The following KIAA1217 variants were observed in gnomAD, a reference collection of about 807,000 sequenced individuals.
The protein encoded by KIAA1217 is sickle tail protein homolog.
In KIAA1217, 88 loss-of-function variants were observed where a neutral mutation model predicts 163.9. The observed-to-expected ratio is 0.54, with a 90% CI of 0.45 to 0.64. The LOEUF (loss-of-function observed/expected upper bound fraction) is 0.64. Ranked by LOEUF, KIAA1217 falls within the 30% of genes least tolerant of loss-of-function variation. KIAA1217 has a pLI of 0.00. For missense variants in KIAA1217, 2,372 were observed against 2,475.0 expected (o/e 0.96, Z 0.88); for synonymous variants, 903 against 923.1 (o/e 0.98, Z 0.39).
At chr10:24,135,605 A>C (rs2063803430) in intron 2 of KIAA1217, among the ~76,000 whole-genome samples, 1 of 152,034 alleles carries the variant, frequency 6.6e-6, no homozygotes, top group Admixed American at 6.6e-5. Context: ...AGGAGGGGAG[A>C]GAGCTGACAC....
chr10:24,537,590 A>T (rs535967471), intron 17 of KIAA1217, among the ~76,000 whole-genome samples: 13 of 152,122 alleles, frequency 8.5e-5, no homozygotes, highest in Middle Eastern at 3.4e-3. Flanking sequence ...AAAAAAAAAA[A>T]AAGTAAAAAC....
At chr10:24,137,866 A>G (rs1298493938) in intron 2 of KIAA1217, among the ~76,000 whole-genome samples, 1 of 152,236 alleles carries the variant, frequency 6.6e-6, no homozygotes, top group African/African-American at 2.4e-5. Context: ...ACAAGGGTTT[A>G]GGTGGACATG....
intron 1 of KIAA1217, among the ~76,000 whole-genome samples, chr10:23,790,743 G>A (rs1564424998): frequency 6.9e-6 from 1 of 145,450 alleles, no homozygotes; most frequent in Non-Finnish European, 1.5e-5. Flanking sequence ...ATGTATGTAT[G>A]TAAAATCTGA....
intron 9 of KIAA1217, among the ~76,000 whole-genome samples, chr10:24,503,744 AG>A (rs143297625): frequency 0.05 from 7,608 of 152,306 alleles, 257 homozygotes; most frequent in South Asian, 0.1. Flanking sequence ...TGCAGTTCAG[AG>A]GGGGCCTATC....
At chr10:24,430,868 C>T (rs753613064) in intron 3 of KIAA1217, among the ~76,000 whole-genome samples, 8 of 152,212 alleles carry the variant, frequency 5.3e-5, no homozygotes, top group Non-Finnish European at 1.2e-4. Flanking sequence ...CTATGTGGCC[C>T]AGTTCCTAAC....
rs1835977254 is a variant in KIAA1217, at chr10:23,695,593, C to T, written c.-321+359C>T. 6.6e-6 allele frequency among the ~76,000 whole-genome samples: 1 copy of T among 152,092 alleles called. No homozygotes were observed. Among genetic ancestry groups the T allele is most frequent in the Non-Finnish European group, 1.5e-5 (1 of 68,012 alleles). ...CCCCCCTGGAGTGGCGAGCCAGGGGCTTATATAGGTGCGACTAGGATGTTG... is the reference window on the plus strand; with the variant it reads ...CCCCCCTGGAGTGGCGAGCCAGGGGTTTATATAGGTGCGACTAGGATGTTG... On this transcript the variant is annotated intron_variant, in intron 1 of 18. Transcript: ENST00000376462. The surrounding 1 kb of genome is among the most constrained non-coding windows in gnomAD (Gnocchi z 4.9).
intron 1 of KIAA1217, among the ~76,000 whole-genome samples, chr10:23,995,541 AG>A (rs1489128520): frequency 6.6e-6 from 1 of 151,982 alleles, no homozygotes; most frequent in Non-Finnish European, 1.5e-5. Flanking sequence ...CTCATTATTA[AG>A]AGAGCATTTT....
At chr10:24,140,662 G>A (rs374042689) in intron 2 of KIAA1217, among the ~76,000 whole-genome samples, 24 of 152,212 alleles carry the variant, frequency 1.6e-4, no homozygotes, top group South Asian at 2.1e-4. Flanking sequence ...CTTAGGAATC[G>A]TTTATTTCTA....
chr10:23,878,683 T>C (rs1340912103), intron 1 of KIAA1217, among the ~76,000 whole-genome samples: 6 of 151,704 alleles, frequency 4.0e-5, no homozygotes, highest in Admixed American at 3.9e-4. Context: ...CCTTGCTGAG[T>C]GGATAATATA....
chr10:24,285,308 A>T (rs765244402), intron 2 of KIAA1217, among the ~76,000 whole-genome samples: 1 of 152,142 alleles, frequency 6.6e-6, no homozygotes, highest in African/African-American at 2.4e-5. Context: ...GCCTAGGCCA[A>T]TGTCTGAGGG....
intron 2 of KIAA1217, among the ~76,000 whole-genome samples, chr10:24,090,164 C>CTTTT (rs1162687231): frequency 2.5e-4 from 27 of 109,218 alleles, no homozygotes; most frequent in East Asian, 7.9e-4. Flanking sequence ...TTTTCTTTTT[C>CTTTT]TTTTTTTTTT....
intron 2 of KIAA1217, among the ~76,000 whole-genome samples, chr10:24,055,469 T>G (rs896286081): frequency 1.6e-4 from 24 of 152,148 alleles, no homozygotes; most frequent in African/African-American, 5.6e-4. Context: ...GGACCCCTAC[T>G]CCTCCTGAAG....
chr10:24,140,131 G>A lies in KIAA1217; in HGVS notation c.-170-79495G>A, dbSNP rs571110475. On this transcript the variant is annotated intron_variant, in intron 2 of 18. Coordinates refer to the KIAA1217 transcript ENST00000376462. ...TCCCAGCACTTTGGGAGGCCGAGGC[G>A]GGTGGATCACGAGGTCAGGAGATGG... Among the ~76,000 whole-genome samples the A allele has an allele frequency of 1.2e-4, 18 of 151,876 alleles. No individual in the cohort carries two copies. The East Asian group carries it at 1.4e-3, about 11-fold the overall frequency.
At chr10:24,315,031 T>C (rs1007250663) in intron 2 of KIAA1217, among the ~76,000 whole-genome samples, 2 of 152,184 alleles carry the variant, frequency 1.3e-5, no homozygotes, top group Admixed American at 6.5e-5. Context: ...TTCCATCTTA[T>C]CTTGTCTTGG....
At chr10:23,969,916 A>G (rs1013533097) in intron 1 of KIAA1217, among the ~76,000 whole-genome samples, 4 of 152,212 alleles carry the variant, frequency 2.6e-5, no homozygotes, top group East Asian at 3.9e-4. Context: ...CAAAGGGCAC[A>G]TCTTACATGG....
intron 2 of KIAA1217, among the ~76,000 whole-genome samples, chr10:24,260,726 C>T (rs1332229752): frequency 1.3e-5 from 2 of 151,110 alleles, no homozygotes; most frequent in Non-Finnish European, 2.9e-5. Flanking sequence ...GCCTGGGCAA[C>T]AGAATGAGAT....
intron 6 of KIAA1217, among the ~76,000 whole-genome samples, chr10:24,484,102 C>T (rs936114030): frequency 2.7e-5 from 4 of 149,400 alleles, no homozygotes; most frequent in African/African-American, 9.9e-5. Context: ...GAGTTCTGTG[C>T]AATTTTTATT....
intron 1 of KIAA1217, among the ~76,000 whole-genome samples, chr10:23,880,113 T>G (rs1589003934): frequency 6.6e-6 from 1 of 151,784 alleles, no homozygotes; most frequent in African/African-American, 2.4e-5. Context: ...GCCTGAGAAG[T>G]GAGCATGGTA....
rs1246326951 is a variant in KIAA1217 at position 24,486,418 on chromosome 10, C to T, written c.1680-8082C>T. Among the ~76,000 whole-genome samples the T allele has an allele frequency of 2.6e-5, 4 of 152,172 alleles. No homozygotes were observed. In the East Asian group the frequency reaches 7.7e-4, roughly 29 times the overall value. ...AATACTTGCAATGACCAATGGCTCC[C>T]CTGTCCACTTTCTGAAGTATCCTGG... On this transcript the variant is annotated intron_variant, in intron 6 of 20. Coordinates refer to ENST00000376454, the MANE Select transcript of KIAA1217 (RefSeq NM_019590.5).
Sources: allele counts gnomAD v4.1 joint callset (sites outside exome capture counted in the v4.1 genomes callset), GRCh38; gene constraint gnomAD v4.1.1; non-coding constraint Gnocchi (gnomAD v3.1); transcripts MANE v1.5; gene names NCBI Gene and HGNC (gene_info 2026-07-23, HGNC 2026-07-21).